Variants in GTPBP1 observed in about 807,000 individuals in gnomAD.
GTPBP1 encodes GTP-binding protein 1.
Under a neutral mutation model 62.0 loss-of-function variants are expected in GTPBP1, and 23 were observed. That is an observed-to-expected ratio of 0.37 (90% confidence interval 0.27 to 0.53). The LOEUF (loss-of-function observed/expected upper bound fraction) is 0.53, where lower values mean the gene tolerates loss of function less well. GTPBP1 is among the 20% of genes least tolerant of loss of function. GTPBP1 has a pLI of 0.89. For missense variants in GTPBP1, 640 were observed against 917.3 expected (o/e 0.70, Z 3.90); for synonymous variants, 344 against 364.4 (o/e 0.94, Z 0.64).
At position 38,706,004 on chromosome 22, in the gene GTPBP1, T is replaced by A; in HGVS notation, c.49T>A (p.Ser17Thr). The stretch of plus-strand genomic sequence containing the variant: ...CGCGATGGACTCGCCGGTCCCGGCC[T>A]CTATGTTCGCCCCCGAGCCCAGCTC... ...RSAMDSPVPA[S>T]MFAPEPSSPG... Residue 17 changes from serine (S) to threonine (T), a missense_variant, in exon 1 of 12, where the codon TCT becomes ACT. Transcript: ENST00000216044. 6.9e-7 allele frequency: 1 copy of A among 1,459,368 alleles called. No individual in the cohort carries two copies. 90.4% of individuals were successfully genotyped at this position (1,459,368 alleles called of 1,614,324 possible). A position where few individuals can be genotyped will look rare whatever the true frequency, so the allele number is the denominator to read the frequency against.
chr22:38,724,473 A>G, intron 6 of GTPBP1, 62 bp downstream of exon 6: 1 of 945,564 alleles, frequency 1.1e-6, no homozygotes, highest in East Asian at 2.4e-5. Flanking sequence ...ACAGTGAGTG[A>G]TGGGCCTGGA....
chr22:38,723,046 G>A (rs2092709096), intron 5 of GTPBP1: 3 of 787,260 alleles, frequency 3.8e-6, no homozygotes, highest in Admixed American at 3.5e-5. Context: ...TGTTCATGTG[G>A]TCCAAACCAC....
intron 4 of GTPBP1, among the ~76,000 whole-genome samples, chr22:38,717,478 T>G (rs2092677293): frequency 6.6e-6 from 1 of 152,060 alleles, no homozygotes; most frequent in South Asian, 2.1e-4. Context: ...GGGAGGAGGA[T>G]CGGCCAGTGC....
At chr22:38,723,529 C>T in intron 5 of GTPBP1, 1 of 646,520 alleles carries the variant, frequency 1.5e-6, no homozygotes. Context: ...GGCGAAACTT[C>T]CTTTGTCTTG....
chr22:38,739,758 C>A (rs144975270), downstream of GTPBP1: 1 of 1,613,572 alleles, frequency 6.2e-7, no homozygotes, highest in African/African-American at 1.3e-5. This position sits in a 1 kb window ranked among gnomAD's most constrained non-coding sequence, Gnocchi z 6.7. Context: ...CTTTCTGCAG[C>A]GTCAGGCTCA....
chr22:38,737,405 A>T (rs138704), downstream of GTPBP1, among the ~76,000 whole-genome samples: 5 of 150,768 alleles, frequency 3.3e-5, no homozygotes, highest in Non-Finnish European at 7.4e-5. The surrounding 1 kb of genome is among the most constrained non-coding windows in gnomAD (Gnocchi z 4.1). Context: ...CCTCTCCCCC[A>T]CCTATCCTGT....
chr22:38,723,475 T>G, intron 5 of GTPBP1: 1 of 918,434 alleles, frequency 1.1e-6, no homozygotes. Flanking sequence ...CAGCCGATGC[T>G]CAGAGTAGCC....
At chr22:38,736,596 A>T (rs138702), downstream of GTPBP1, 122,038 of 401,702 alleles carry the variant, frequency 0.3, 19,501 homozygotes, top group East Asian at 0.49. Flanking sequence ...AGCACACTTC[A>T]TCTGAAACCG....
chr22:38,733,247 G>C lies in GTPBP1; in HGVS notation c.*2543G>C, dbSNP rs1422312463. On this transcript the variant is annotated 3_prime_UTR_variant, in exon 12 of 12. Transcript: ENST00000216044. ...CGTTGAGACCCCTGGCATGGCAGGG[G>C]CTTTGGGGTCTGGTTTCCACAAGGC... 1 of 152,264 alleles carries C rather than the reference G, an allele frequency of 6.6e-6. No individual in the cohort carries two copies. The highest frequency in any genetic ancestry group is 1.5e-5 in the Non-Finnish European group (1 of 68,066). The allele number at this position is 152,264 out of a possible 1,614,324, so 9.4% of individuals were successfully genotyped here.
At chr22:38,736,513 A>C, downstream of GTPBP1, 3 of 656,848 alleles carry the variant, frequency 4.6e-6, no homozygotes, top group Non-Finnish European at 7.4e-6. Context: ...TCTGAAGAGA[A>C]CCAGGCTTCA....
At chr22:38,740,308 C>T, downstream of GTPBP1, 1 of 1,604,282 alleles carries the variant, frequency 6.2e-7, no homozygotes, top group South Asian at 1.1e-5. The surrounding 1 kb of genome is among the most constrained non-coding windows in gnomAD (Gnocchi z 4.8). Context: ...AGCAGGCCCA[C>T]TTCTTCCGCC....
chr22:38,706,412 C>T (rs1162704295), intron 1 of GTPBP1: 1 of 304,236 alleles, frequency 3.3e-6, no homozygotes, highest in Non-Finnish European at 6.0e-6. Flanking sequence ...AGATCGTAAC[C>T]CCTCGGCTCT....
chr22:38,726,455 T>C lies in GTPBP1; in HGVS notation c.1401+15T>C, dbSNP rs772768316. ...CGCTGAAGAAGGTGAGTAGCGATGA[T>C]ACTGAACGCTCCCCTCAGACTCCAT... is the stretch of plus-strand genomic sequence containing the variant. On this transcript the variant is annotated intron_variant, in intron 8 of 11. Coordinates refer to ENST00000216044, the MANE Select transcript of GTPBP1 (RefSeq NM_004286.5). This position sits in a 1 kb window ranked among gnomAD's most constrained non-coding sequence, Gnocchi z 4.1. 3.1e-6 allele frequency: 5 copies of C among 1,605,838 alleles called. No homozygotes were observed. Among genetic ancestry groups the C allele is most frequent in the Non-Finnish European group, 4.3e-6 (5 of 1,174,254 alleles).
intron 5 of GTPBP1, chr22:38,723,087 G>T: frequency 3.9e-6 from 3 of 770,736 alleles, no homozygotes; most frequent in Non-Finnish European, 7.1e-6. Flanking sequence ...ATCCAGGCAA[G>T]ATGACTAAAG....
Position 38,706,033 on chromosome 22 carries a change from G to T in GTPBP1, c.78G>T (p.Pro26=). 1 of 1,394,126 alleles carries T rather than the reference G, an allele frequency of 7.2e-7. No individual in the cohort carries two copies. The highest frequency in any genetic ancestry group is 9.3e-7 in the Non-Finnish European group (1 of 1,073,752). The allele number at this position is 1,394,126 out of a possible 1,614,324, so 86.4% of individuals were successfully genotyped here. Residue 26 remains proline, a synonymous_variant, in exon 1 of 12, where the codon CCG becomes CCT. Transcript: ENST00000216044. ...TGTTCGCCCCCGAGCCCAGCTCCCC[G>T]GGGGCGGCCAGGGCCGCGGCGGCCG... ...ASMFAPEPSS[P]GAARAAAAAA...
chr22:38,739,473 TC>T, downstream of GTPBP1: 1 of 1,599,108 alleles, frequency 6.3e-7, no homozygotes, highest in Non-Finnish European at 8.6e-7. The surrounding 1 kb of genome is among the most constrained non-coding windows in gnomAD (Gnocchi z 6.7). Context: ...AGCAGACGTG[TC>T]CCCCTGTCAC....
At chr22:38,725,883 T>G in intron 6 of GTPBP1, 123 bp from the exon 7 acceptor site, 1 of 860,062 alleles carries the variant, frequency 1.2e-6, no homozygotes, top group Non-Finnish European at 1.9e-6. Context: ...GAGGGAGAGG[T>G]GGAGTCATGA....
chr22:38,720,969 G>A (rs1055448778), intron 4 of GTPBP1, among the ~76,000 whole-genome samples: 1 of 152,162 alleles, frequency 6.6e-6, no homozygotes, highest in Non-Finnish European at 1.5e-5. Context: ...GCAGTAGCTC[G>A]ATCATGGCTC....
chr22:38,720,563 A>T (rs985921646), intron 4 of GTPBP1, among the ~76,000 whole-genome samples: 1 of 152,122 alleles, frequency 6.6e-6, no homozygotes, highest in Non-Finnish European at 1.5e-5. Context: ...AGCATTCTAT[A>T]TGCAACTTAC....
Sources: gnomAD v4.1 joint callset for allele counts (sites outside exome capture counted in the v4.1 genomes callset) on GRCh38, gnomAD v4.1.1 for gene constraint, Gnocchi (gnomAD v3.1) non-coding constraint, MANE v1.5 for transcripts, NCBI Gene and HGNC (gene_info 2026-07-23, HGNC 2026-07-21) for gene names.